TENM1: variants seen among roughly 807,000 people sequenced by gnomAD.
TENM1 encodes teneurin-1.
Under a neutral mutation model 174.8 loss-of-function variants are expected in TENM1, and 35 were observed. The ratio of observed to expected loss-of-function variants is 0.20; its 90% CI spans 0.15 to 0.27. The LOEUF (loss-of-function observed/expected upper bound fraction) is 0.27. Among genes scored for constraint, TENM1 ranks in the 10% least tolerant of loss-of-function variants. The pLI, the probability that TENM1 is intolerant of heterozygous loss-of-function variation, is 1.00. For synonymous variants in TENM1, 781 were observed against 798.7 expected, an observed-to-expected ratio of 0.98 and a Z score of 0.37; for missense variants, 1,633 against 2,130.1, an observed-to-expected ratio of 0.77 and a Z score of 4.59.
At chrX:125,053,509 G>A in the TENM1 span, among the ~76,000 whole-genome samples, 1 of 111,976 alleles carries the variant, frequency 8.9e-6, no homozygotes, top group Non-Finnish European at 1.9e-5. Flanking sequence ...TTATGTTCAG[G>A]CTTCCCCTAC....
chrX:124,808,964 G>A (rs1213656084), intron 3 of TENM1, among the ~76,000 whole-genome samples: 1 of 111,118 alleles, frequency 9.0e-6, no homozygotes, highest in Non-Finnish European at 1.9e-5. Context: ...ATTGGCAGAA[G>A]GAAGGGAATA....
rs1216428619 is a variant in TENM1 at position 124,843,328 on chromosome X, G to A, written c.535+50968C>T. Among the ~76,000 whole-genome samples the A allele has an allele frequency of 2.7e-5, 3 of 111,691 alleles. No individual in the cohort carries two copies. The Admixed American group carries it at 2.8e-4, about 11-fold the overall frequency. On this transcript the variant is annotated intron_variant, in intron 3 of 31. Transcript: ENST00000422452. ...CATGTCAACTTCATTAACCTCCTGA[G>A]CAGCTTTGCCAAGCATTCTGCTCAT...
At chrX:124,940,510 T>C (rs762421745) in intron 1 of TENM1, among the ~76,000 whole-genome samples, 2 of 112,011 alleles carry the variant, frequency 1.8e-5, no homozygotes, top group East Asian at 5.6e-4. Flanking sequence ...CCTGAGCCAA[T>C]AAATTCATAC....
At chrX:125,051,363 C>T in the TENM1 span, among the ~76,000 whole-genome samples, 3 of 109,325 alleles carry the variant, frequency 2.7e-5, no homozygotes. Context: ...CATATGGAAC[C>T]AAAAAAGAGC....
chrX:125,008,778 G>T, the TENM1 span, among the ~76,000 whole-genome samples: 1 of 111,884 alleles, frequency 8.9e-6, no homozygotes, highest in Non-Finnish European at 1.9e-5. Context: ...GCTCCTGAAT[G>T]ACTCCTGGGT....
the TENM1 span, among the ~76,000 whole-genome samples, chrX:125,172,532 G>A: frequency 1.8e-5 from 2 of 111,223 alleles, no homozygotes; most frequent in African/African-American, 3.3e-5. Flanking sequence ...TAGGAAAAAC[G>A]TCCTGTTAAA....
chrX:124,903,539 T>G, intron 1 of TENM1, among the ~76,000 whole-genome samples: 1 of 111,660 alleles, frequency 9.0e-6, no homozygotes. Flanking sequence ...GGAAGAAAAT[T>G]TGATGTGGGA....
At chrX:124,901,744 C>G (rs1039362090) in intron 1 of TENM1, among the ~76,000 whole-genome samples, 2 of 111,433 alleles carry the variant, frequency 1.8e-5, no homozygotes, top group African/African-American at 3.3e-5. Context: ...CCATACCCGG[C>G]CAATTTCTGT....
At chrX:124,780,137 G>A (rs2054875661) in intron 3 of TENM1, among the ~76,000 whole-genome samples, 1 of 111,711 alleles carries the variant, frequency 9.0e-6, no homozygotes. Context: ...AAACACATAT[G>A]AGGCTAGACA....
At chrX:124,755,856 C>T (rs1167783539) in intron 3 of TENM1, among the ~76,000 whole-genome samples, 13 of 108,289 alleles carry the variant, frequency 1.2e-4, no homozygotes, top group African/African-American at 4.6e-4. Flanking sequence ...GCCGAGAGAT[C>T]TGCTGTTAGT....
At chrX:124,757,350 C>T (rs189216359) in intron 3 of TENM1, among the ~76,000 whole-genome samples, 5 of 112,640 alleles carry the variant, frequency 4.4e-5, no homozygotes, top group Admixed American at 9.3e-5. Flanking sequence ...ATCAGAAAAG[C>T]GCAGTATTGG....
chrX:124,600,089 T>C (rs1031093526), intron 11 of TENM1, among the ~76,000 whole-genome samples: 1 of 110,209 alleles, frequency 9.1e-6, no homozygotes, highest in African/African-American at 3.3e-5. Flanking sequence ...CTGTTCACCA[T>C]GAGGGCCTGG....
intron 11 of TENM1, among the ~76,000 whole-genome samples, chrX:124,601,539 C>G (rs923435685): frequency 1.8e-5 from 2 of 110,933 alleles, no homozygotes; most frequent in African/African-American, 6.5e-5. Flanking sequence ...AATGAATGGG[C>G]AGAGGAGAAG....
intron 23 of TENM1, among the ~76,000 whole-genome samples, chrX:124,436,904 A>G (rs1409803370): frequency 1.9e-5 from 2 of 106,079 alleles, no homozygotes; most frequent in African/African-American, 6.9e-5. Context: ...CTGTTAAAAT[A>G]ACGAATGTAC....
intron 3 of TENM1, among the ~76,000 whole-genome samples, chrX:124,853,294 T>C (rs879043860): frequency 9.0e-6 from 1 of 111,428 alleles, no homozygotes; most frequent in Non-Finnish European, 1.9e-5. Flanking sequence ...GAGTACGTCA[T>C]ATTTGGGCAA....
chrX:124,987,742 TG>T, the TENM1 span, among the ~76,000 whole-genome samples: 1 of 107,113 alleles, frequency 9.3e-6, no homozygotes, highest in African/African-American at 3.4e-5. Flanking sequence ...TGTGTGTGTG[TG>T]ATTACAAAAT....
chrX:124,879,188 A>G (rs1292797076), intron 3 of TENM1, among the ~76,000 whole-genome samples: 1 of 111,548 alleles, frequency 9.0e-6, no homozygotes, highest in Non-Finnish European at 1.9e-5. Flanking sequence ...GTTAACTGTA[A>G]TCATCCTACT....
chrX:124,718,806 T>C (rs2148516995), intron 4 of TENM1, among the ~76,000 whole-genome samples: 1 of 112,079 alleles, frequency 8.9e-6, no homozygotes, highest in African/African-American at 3.2e-5. Context: ...AGGACTAAGT[T>C]GGGAAACATC....
the TENM1 span, among the ~76,000 whole-genome samples, chrX:125,159,871 G>A: frequency 9.0e-6 from 1 of 111,610 alleles, no homozygotes; most frequent in Non-Finnish European, 1.9e-5. Flanking sequence ...ACCCAAAGGA[G>A]GCACAACTAA....
Sources: allele counts gnomAD v4.1 joint callset (sites outside exome capture counted in the v4.1 genomes callset), GRCh38; gene constraint gnomAD v4.1.1; transcripts MANE v1.5; gene names NCBI Gene and HGNC (gene_info 2026-07-23, HGNC 2026-07-21).